AGAP1: variants seen among roughly 807,000 people sequenced by gnomAD.
AGAP1 encodes the protein ArfGAP with GTPase domain, ankyrin repeat and PH domain 1.
Under a neutral mutation model 105.3 loss-of-function variants are expected in AGAP1, and 29 were observed. The ratio of observed to expected loss-of-function variants is 0.28; its 90% CI spans 0.21 to 0.38. The LOEUF (loss-of-function observed/expected upper bound fraction) is 0.38, where lower values mean the gene tolerates loss of function less well. AGAP1 is among the 10% of genes least tolerant of loss of function. AGAP1 has a pLI of 1.00. For synonymous variants in AGAP1, 509 were observed against 485.9 expected (o/e 1.05, Z -0.63); for missense variants, 998 against 1,165.1 (o/e 0.86, Z 2.09).
intron 12 of AGAP1, among the ~76,000 whole-genome samples, chr2:235,932,933 A>T (rs1341634815): frequency 6.6e-6 from 1 of 152,226 alleles, no homozygotes; most frequent in East Asian, 1.9e-4. Context: ...TTTGAATGCC[A>T]GTTTTTTATT....
At position 235,712,409 on chromosome 2, in the gene AGAP1, T is replaced by C. The variant is rs1181668576; in HGVS notation, c.222+3172T>C. Among the ~76,000 whole-genome samples, 1 of 152,254 alleles carries C rather than the reference T, an allele frequency of 6.6e-6. No homozygotes were observed. Among genetic ancestry groups the C allele is most frequent in the Non-Finnish European group, 1.5e-5 (1 of 68,040 alleles). On this transcript the variant is annotated intron_variant, in intron 2 of 17. Transcript: ENST00000304032. The surrounding 1 kb of genome is among the most constrained non-coding windows in gnomAD (Gnocchi z 6.0). The stretch of plus-strand genomic sequence containing the variant: ...AGCCAACCGCTGCTGGCTGCAGATG[T>C]GTGCCCAACAGCAAAAGCTTGATGC...
Position 235,992,017 on chromosome 2 carries a change from A to G in AGAP1, c.1645+23394A>G, listed in dbSNP as rs967036890. Among the ~76,000 whole-genome samples, 4 of 152,234 alleles carry G rather than the reference A, an allele frequency of 2.6e-5. No individual in the cohort carries two copies. The highest frequency in any genetic ancestry group is 2.6e-4 in the Admixed American group (4 of 15,286). On this transcript the variant is annotated intron_variant, in intron 13 of 17. Transcript: ENST00000304032. The surrounding 1 kb of genome is among the most constrained non-coding windows in gnomAD (Gnocchi z 4.8). ...TGTCCACATTTCTCTCTCATCTGTGAAGGCCCGTTGAGACTGCTCAGTTGG... is the reference window on the plus strand; with the variant it reads ...TGTCCACATTTCTCTCTCATCTGTGGAGGCCCGTTGAGACTGCTCAGTTGG...
rs1248948587 is a variant in AGAP1 at position 235,665,006 on chromosome 2, A to AG, written c.164-44171dup. Among the ~76,000 whole-genome samples the AG allele has an allele frequency of 1.3e-5, 2 of 152,156 alleles. No homozygotes were observed. Among genetic ancestry groups the AG allele is most frequent in the Non-Finnish European group, 2.9e-5 (2 of 68,034 alleles). On this transcript the variant is annotated intron_variant, in intron 1 of 17. Transcript: ENST00000304032. The surrounding 1 kb of genome is among the most constrained non-coding windows in gnomAD (Gnocchi z 5.3). ...GAGGCCAAGATGGGAGAATCATCTG[A>AG]GGTGAGGCGTTCGAGACCAGCCTGG... is the stretch of plus-strand genomic sequence containing the variant.
Position 235,769,719 on chromosome 2 carries a change from T to A in AGAP1, c.673+19231T>A, listed in dbSNP as rs927042042. On this transcript the variant is annotated intron_variant, in intron 6 of 17. Transcript: ENST00000304032. The surrounding 1 kb of genome is among the most constrained non-coding windows in gnomAD (Gnocchi z 4.4). ...GGCAGTGAAAAAAAAACGAAAGCAGTGACTAAAGGGCATCTCCAGGTGCCG... is the reference window on the plus strand; with the variant it reads ...GGCAGTGAAAAAAAAACGAAAGCAGAGACTAAAGGGCATCTCCAGGTGCCG... Among the ~76,000 whole-genome samples, 2 of 151,084 alleles carry A rather than the reference T, an allele frequency of 1.3e-5. No homozygotes were observed. Among genetic ancestry groups the A allele is most frequent in the African/African-American group, 4.9e-5 (2 of 41,096 alleles).
At position 235,964,371 on chromosome 2, in the gene AGAP1, T is replaced by C. The variant is rs2125325963; in HGVS notation, c.1484-4091T>C. On this transcript the variant is annotated intron_variant, in intron 12 of 17. Coordinates refer to ENST00000304032, the MANE Select transcript of AGAP1 (RefSeq NM_001037131.3). This position sits in a 1 kb window ranked among gnomAD's most constrained non-coding sequence, Gnocchi z 4.6. ...TCCCTGCAGGACTAGGGTTGAGCTC[T>C]CTGAGGGCAAAGACAGTCACAGTGA... Among the ~76,000 whole-genome samples the C allele has an allele frequency of 6.6e-6, 1 of 152,256 alleles. No individual in the cohort carries two copies. The highest frequency in any genetic ancestry group is 1.9e-4 in the East Asian group (1 of 5,176).
chr2:235,802,870 A>C (rs1225472125), intron 8 of AGAP1, among the ~76,000 whole-genome samples: 4 of 95,482 alleles, frequency 4.2e-5, no homozygotes, highest in African/African-American at 1.2e-4. Flanking sequence ...GATGGTGATG[A>C]TGCTGCTTGT....
rs991814025 is a variant in AGAP1 at position 235,872,756 on chromosome 2, G to A, written c.1051-10589G>A. ...GTACCACTTCCTCCCTAAGGAAAGCGACGGGCCCCCTGTCTTCCCCGATTG... is the reference window on the plus strand; with the variant it reads ...GTACCACTTCCTCCCTAAGGAAAGCAACGGGCCCCCTGTCTTCCCCGATTG... On this transcript the variant is annotated intron_variant, in intron 9 of 17. Transcript: ENST00000304032. This position sits in a 1 kb window ranked among gnomAD's most constrained non-coding sequence, Gnocchi z 4.5. Among the ~76,000 whole-genome samples, 7 of 152,178 alleles carry A rather than the reference G, an allele frequency of 4.6e-5. No individual in the cohort carries two copies. Among genetic ancestry groups the A allele is most frequent in the Non-Finnish European group, 7.3e-5 (5 of 68,034 alleles).
chr2:235,787,430 C>T lies in AGAP1; in HGVS notation c.674-10329C>T, dbSNP rs561933999. ...CTTCTTTGTCTGCATCATAGACACACGCCTCTCTTTATAGCACTTTCTATA... is the reference window on the plus strand; with the variant it reads ...CTTCTTTGTCTGCATCATAGACACATGCCTCTCTTTATAGCACTTTCTATA... On this transcript the variant is annotated intron_variant, in intron 6 of 17. Coordinates refer to ENST00000304032, the MANE Select transcript of AGAP1 (RefSeq NM_001037131.3). This position sits in a 1 kb window ranked among gnomAD's most constrained non-coding sequence, Gnocchi z 4.4. Among the ~76,000 whole-genome samples, 24 of 152,324 alleles carry T rather than the reference C, an allele frequency of 1.6e-4. No individual in the cohort carries two copies. The highest frequency in any genetic ancestry group is 4.1e-4 in the African/African-American group (17 of 41,578).
intron 16 of AGAP1, among the ~76,000 whole-genome samples, chr2:236,060,469 A>G (rs2125753255): frequency 6.6e-6 from 1 of 152,210 alleles, no homozygotes; most frequent in South Asian, 2.1e-4. Context: ...TGGGAGGATC[A>G]CTGGAGCCCA....
rs1328420187 is a variant in AGAP1 at position 235,967,820 on chromosome 2, C to T, written c.1484-642C>T. Among the ~76,000 whole-genome samples, 3 of 152,154 alleles carry T rather than the reference C, an allele frequency of 2.0e-5. No individual in the cohort carries two copies. Among genetic ancestry groups the T allele is most frequent in the Non-Finnish European group, 4.4e-5 (3 of 68,026 alleles). On this transcript the variant is annotated intron_variant, in intron 12 of 17. Coordinates refer to ENST00000304032, the MANE Select transcript of AGAP1 (RefSeq NM_001037131.3). This position sits in a 1 kb window ranked among gnomAD's most constrained non-coding sequence, Gnocchi z 4.7. ...GAGTTTCACTTATAGTGAATAATCA[C>T]GTGTGCACTGGTTTTGAAACTGTTC...
chr2:235,533,959 A>G (rs1439646085), intron 1 of AGAP1, among the ~76,000 whole-genome samples: 1 of 152,246 alleles, frequency 6.6e-6, no homozygotes, highest in Non-Finnish European at 1.5e-5. Flanking sequence ...TACTTCATCC[A>G]AAGAACTTCT....
At chr2:235,570,443 TA>T (rs1376575731) in intron 1 of AGAP1, among the ~76,000 whole-genome samples, 1 of 152,224 alleles carries the variant, frequency 6.6e-6, no homozygotes, top group African/African-American at 2.4e-5. Flanking sequence ...GAGTCCTGCT[TA>T]AAAAGAGGAC....
In AGAP1 at chr2:235,747,233, G is replaced by A. The variant is rs982587828; in HGVS notation, c.538+2394G>A. Among the ~76,000 whole-genome samples the A allele has an allele frequency of 6.6e-5, 10 of 152,126 alleles. No individual in the cohort carries two copies. The highest frequency in any genetic ancestry group is 2.4e-4 in the African/African-American group (10 of 41,428). On this transcript the variant is annotated intron_variant, in intron 5 of 17. Transcript: ENST00000304032. This position sits in a 1 kb window ranked among gnomAD's most constrained non-coding sequence, Gnocchi z 5.0. ...CTGCCTGAGCCAAGGGGCACATCGA[G>A]CCTCCTGCCAGGGTGGCTGCTTAGA... is the stretch of plus-strand genomic sequence containing the variant.
intron 9 of AGAP1, among the ~76,000 whole-genome samples, chr2:235,871,411 C>G (rs1023874077): frequency 1.3e-5 from 2 of 152,174 alleles, no homozygotes; most frequent in African/African-American, 4.8e-5. Flanking sequence ...TACCCATCCC[C>G]CTGCGTGGGG....
chr2:235,967,055 C>A lies in AGAP1; in HGVS notation c.1484-1407C>A, dbSNP rs1189669922. Among the ~76,000 whole-genome samples the A allele has an allele frequency of 6.6e-6, 1 of 152,108 alleles. No individual in the cohort carries two copies. Among genetic ancestry groups the A allele is most frequent in the Non-Finnish European group, 1.5e-5 (1 of 68,016 alleles). ...TCAGAACCCTGCATGGCTCCCCATT[C>A]CCCCCAAAGCACAGGCGAGGGTCCT... On this transcript the variant is annotated intron_variant, in intron 12 of 17. Coordinates refer to ENST00000304032, the MANE Select transcript of AGAP1 (RefSeq NM_001037131.3). The surrounding 1 kb of genome is among the most constrained non-coding windows in gnomAD (Gnocchi z 4.7).
intron 16 of AGAP1, among the ~76,000 whole-genome samples, chr2:236,069,053 C>G (rs567636945): frequency 6.7e-6 from 1 of 149,162 alleles, no homozygotes; most frequent in African/African-American, 2.5e-5. Flanking sequence ...CTTGAACCCG[C>G]GAGGTGAAGG....
At chr2:235,946,235 T>G (rs2053494042) in intron 12 of AGAP1, among the ~76,000 whole-genome samples, 1 of 150,030 alleles carries the variant, frequency 6.7e-6, no homozygotes, top group Admixed American at 6.6e-5. Flanking sequence ...TGTGTGTGGT[T>G]ATGTGTTTAT....
At chr2:235,911,880 G>A (rs75818000) in intron 11 of AGAP1, among the ~76,000 whole-genome samples, 3,056 of 152,340 alleles carry the variant, frequency 0.02, 117 homozygotes, top group African/African-American at 0.07. Context: ...TTCCAACTAG[G>A]GATAGAGAAG....
chr2:235,803,509 T>C (rs964492322), intron 8 of AGAP1, among the ~76,000 whole-genome samples: 6 of 152,202 alleles, frequency 3.9e-5, no homozygotes, highest in African/African-American at 1.4e-4. Flanking sequence ...TCTTAGTGAA[T>C]AAAAATTCGT....
Sources: allele counts gnomAD v4.1 joint callset (sites outside exome capture counted in the v4.1 genomes callset), GRCh38; gene constraint gnomAD v4.1.1; non-coding constraint Gnocchi (gnomAD v3.1); transcripts MANE v1.5; gene names NCBI Gene and HGNC (gene_info 2026-07-23, HGNC 2026-07-21).